Variants in ANO10 observed in about 807,000 individuals in gnomAD.
ANO10 encodes the protein anoctamin-10.
ANO10 carries 77 observed loss-of-function variants against 74.7 expected under a neutral mutation model. The observed-to-expected ratio is 1.03, with a 90% CI of 0.86 to 1.25. The LOEUF is 1.25. Among genes scored for constraint, ANO10 ranks in the 50% most tolerant of loss-of-function variants. ANO10 has a pLI of 0.00. For missense variants in ANO10, 721 were observed against 778.1 expected (o/e 0.93, Z 0.87); for synonymous variants, 279 against 284.9 (o/e 0.98, Z 0.21).
At chr3:43,645,824 AT>A (rs954701720) in intron 1 of ANO10, among the ~76,000 whole-genome samples, 1 of 151,784 alleles carries the variant, frequency 6.6e-6, no homozygotes, top group Non-Finnish European at 1.5e-5. Context: ...TTTTATTTTT[AT>A]TTTTTTGAGA....
chr3:43,428,796 CAAAA>C lies in ANO10; in HGVS notation c.1914+3811_1914+3814del, dbSNP rs56213626. Among the ~76,000 whole-genome samples, 544 of 55,436 alleles carry C rather than the reference CAAAA, an allele frequency of 9.8e-3. 8 individuals are homozygous for C. The highest frequency in any genetic ancestry group is 0.035 in the African/African-American group (522 of 14,852). 36.4% of individuals were successfully genotyped at this position (55,436 alleles called of 152,430 possible). A position where few individuals can be genotyped will look rare whatever the true frequency, so the allele number is the denominator to read the frequency against. On this transcript the variant is annotated intron_variant, in intron 12 of 12. Transcript: ENST00000292246. The stretch of plus-strand genomic sequence containing the variant: ...CCAAAATCCTGAAACTTTGTGAATG[CAAAA>C]AAAAAAAAAAAAAAAAAAGTCATTG...
At chr3:43,687,821 G>C (rs1444505556) in intron 1 of ANO10, among the ~76,000 whole-genome samples, 1 of 152,160 alleles carries the variant, frequency 6.6e-6, no homozygotes, top group Non-Finnish European at 1.5e-5. Flanking sequence ...CCAAGCAGTG[G>C]TTAAAGTATG....
chr3:43,432,465 G>A, intron 12 of ANO10, 146 bp downstream of exon 12: 1 of 692,508 alleles, frequency 1.4e-6, no homozygotes, highest in Non-Finnish European at 2.5e-6. Flanking sequence ...TTTTGGTTTT[G>A]TTATGTCATC....
intron 6 of ANO10, among the ~76,000 whole-genome samples, chr3:43,575,381 G>A (rs991799680): frequency 6.6e-6 from 1 of 152,140 alleles, no homozygotes; most frequent in Non-Finnish European, 1.5e-5. Flanking sequence ...GAAGAGAAGT[G>A]TCATCTTACA....
intron 11 of ANO10, among the ~76,000 whole-genome samples, chr3:43,494,391 T>A (rs2076840284): frequency 6.6e-6 from 1 of 152,086 alleles, no homozygotes; most frequent in East Asian, 1.9e-4. Context: ...AGGCGGAGGT[T>A]GCAGTGAGCT....
chr3:43,593,607 A>C (rs1203365283), intron 4 of ANO10, among the ~76,000 whole-genome samples: 1 of 152,238 alleles, frequency 6.6e-6, no homozygotes, highest in Non-Finnish European at 1.5e-5. Context: ...CTCCTGAAGG[A>C]AGCACTAAAC....
intron 7 of ANO10, among the ~76,000 whole-genome samples, chr3:43,573,267 C>T (rs1164639155): frequency 2.0e-5 from 3 of 152,112 alleles, no homozygotes; most frequent in African/African-American, 7.2e-5. Flanking sequence ...AGGAGGCCTT[C>T]GAAGCCTTTT....
intron 12 of ANO10, among the ~76,000 whole-genome samples, chr3:43,406,292 C>A (rs1170947084): frequency 6.6e-6 from 1 of 152,218 alleles, no homozygotes; most frequent in Admixed American, 6.5e-5. Context: ...TCAGAGCCTT[C>A]ACAGCAGTCA....
chr3:43,680,835 A>T (rs1404194429), intron 1 of ANO10, among the ~76,000 whole-genome samples: 1 of 152,208 alleles, frequency 6.6e-6, no homozygotes, highest in Non-Finnish European at 1.5e-5. Context: ...ACTAAGCTTC[A>T]TAAGTGAAGG....
intron 1 of ANO10, among the ~76,000 whole-genome samples, chr3:43,628,989 G>A (rs1424103472): frequency 6.6e-6 from 1 of 152,172 alleles, no homozygotes; most frequent in Non-Finnish European, 1.5e-5. Flanking sequence ...ACCTTGTGAA[G>A]TACGTGATCT....
chr3:43,625,033 T>A (rs1441872930), upstream of ANO10, among the ~76,000 whole-genome samples: 1 of 152,216 alleles, frequency 6.6e-6, no homozygotes, highest in Non-Finnish European at 1.5e-5. Flanking sequence ...CTTTGGGTAT[T>A]TCCTCCATGT....
In ANO10 at chr3:43,442,392, C is replaced by G. The variant is rs188331148; in HGVS notation, c.1798-9665G>C. Among the ~76,000 whole-genome samples, 255 of 151,772 alleles carry G rather than the reference C, an allele frequency of 1.7e-3. 1 individual carries two copies. Among genetic ancestry groups the G allele is most frequent in the Middle Eastern group, 3.4e-3 (1 of 294 alleles). The stretch of plus-strand genomic sequence containing the variant: ...TACATTTCTATATACTAACAATGAA[C>G]AATTTGAAAAGGAAATTGAGAACTC... On this transcript the variant is annotated intron_variant, in intron 11 of 12. Coordinates refer to ENST00000292246, the MANE Select transcript of ANO10 (RefSeq NM_018075.5).
intron 1 of ANO10, among the ~76,000 whole-genome samples, chr3:43,628,232 G>C (rs2083511078): frequency 6.6e-6 from 1 of 152,182 alleles, no homozygotes; most frequent in African/African-American, 2.4e-5. Flanking sequence ...AACATGGATT[G>C]TGAAGATTTC....
intron 12 of ANO10, among the ~76,000 whole-genome samples, chr3:43,410,844 T>C (rs1329258651): frequency 4.6e-5 from 7 of 152,074 alleles, no homozygotes; most frequent in Non-Finnish European, 7.4e-5. Flanking sequence ...CAGTGCAGTA[T>C]TTATGAATAA....
chr3:43,509,145 A>G (rs2077414718), intron 11 of ANO10, among the ~76,000 whole-genome samples: 1 of 151,830 alleles, frequency 6.6e-6, no homozygotes, highest in African/African-American at 2.4e-5. Context: ...GCATGTTCTC[A>G]GTCATACATG....
At chr3:43,603,447 T>C (rs1307066303) in intron 2 of ANO10, among the ~76,000 whole-genome samples, 2 of 152,198 alleles carry the variant, frequency 1.3e-5, no homozygotes, top group Non-Finnish European at 2.9e-5. Flanking sequence ...CTAATAATTT[T>C]ACTGAGTGCT....
intron 4 of ANO10, 67 bp downstream of exon 4, chr3:43,598,465 A>G (rs1193305359): frequency 6.0e-6 from 9 of 1,495,974 alleles, no homozygotes; most frequent in Admixed American, 1.8e-5. Context: ...TGTAAGAGGG[A>G]AAAAAGGCAT....
intron 12 of ANO10, among the ~76,000 whole-genome samples, chr3:43,390,396 G>C (rs897965603): frequency 6.6e-6 from 1 of 152,226 alleles, no homozygotes; most frequent in Non-Finnish European, 1.5e-5. Context: ...CCCAACCTCT[G>C]TGCCCAGTAC....
chr3:43,606,270 G>T (rs1490080780), intron 1 of ANO10, among the ~76,000 whole-genome samples: 1 of 152,122 alleles, frequency 6.6e-6, no homozygotes, highest in Non-Finnish European at 1.5e-5. Flanking sequence ...TATTTCCCTA[G>T]AAAATAATGA....
Sources: allele counts gnomAD v4.1 joint callset (sites outside exome capture counted in the v4.1 genomes callset), GRCh38; gene constraint gnomAD v4.1.1; transcripts MANE v1.5; gene names NCBI Gene and HGNC (gene_info 2026-07-23, HGNC 2026-07-21).